The following KIFAP3 variants were observed in gnomAD, a reference collection of about 807,000 sequenced individuals.
The protein encoded by KIFAP3 is kinesin associated protein 3, also known as kinesin-associated protein 3.
KIFAP3 carries 68 observed loss-of-function variants against 106.5 expected under a neutral mutation model. The ratio of observed to expected loss-of-function variants is 0.64; its 90% CI spans 0.53 to 0.78. KIFAP3 has a LOEUF of 0.78. KIFAP3 is among the 30% of genes least tolerant of loss of function. The pLI is 0.00. For synonymous variants in KIFAP3, 320 were observed against 311.5 expected, an observed-to-expected ratio of 1.03 and a Z score of -0.29; for missense variants, 780 against 941.8, an observed-to-expected ratio of 0.83 and a Z score of 2.25.
At position 170,046,713 on chromosome 1, in the gene KIFAP3, T is replaced by G; in HGVS notation, c.318A>C (p.Lys106Asn). Reference sequence around the variant, plus strand: ...GAAGCCAGGAATTCTACTACTTACCTTTTCCTGACAATGAATCACGGCGGT... The same window carrying G: ...GAAGCCAGGAATTCTACTACTTACCGTTTCCTGACAATGAATCACGGCGGT... Reference protein sequence around the residue: ...LQNRRDSLSGKEKKEKSSKPK... With the variant: ...LQNRRDSLSGNEKKEKSSKPK... The change falls in exon 3 of 20, where the codon AAA becomes AAC. Residue 106 changes from lysine (K) to asparagine (N), a missense_variant and splice_region_variant. Physicochemically the swap from Lys to Asn is moderately conservative, Grantham distance 94. This residue lies in a region of KIFAP3 where 588 missense variants were observed against 678.9 expected (regional missense o/e 0.87). Coordinates refer to ENST00000361580, the MANE Select transcript of KIFAP3 (RefSeq NM_014970.4). The G allele has an allele frequency of 6.5e-7, 1 of 1,534,018 alleles. No homozygotes were observed.
At chr1:170,044,190 G>A (rs2102077914) in intron 3 of KIFAP3, among the ~76,000 whole-genome samples, 1 of 152,298 alleles carries the variant, frequency 6.6e-6, no homozygotes, top group East Asian at 1.9e-4. Flanking sequence ...TAAAGTAATT[G>A]TGTATTCTTT....
chr1:169,972,143 T>TA, intron 17 of KIFAP3, among the ~76,000 whole-genome samples: 1 of 151,958 alleles, frequency 6.6e-6, no homozygotes. Context: ...AAATAGCTGA[T>TA]ACAAGATTTG....
chr1:169,937,627 C>T (rs1663878304), intron 19 of KIFAP3, among the ~76,000 whole-genome samples: 1 of 151,684 alleles, frequency 6.6e-6, no homozygotes, highest in Non-Finnish European at 1.5e-5. Context: ...TCTAAAGATA[C>T]TCTAAAAATA....
chr1:170,019,001 A>G (rs957406800), intron 9 of KIFAP3, among the ~76,000 whole-genome samples: 2 of 152,196 alleles, frequency 1.3e-5, no homozygotes, highest in Non-Finnish European at 2.9e-5. Context: ...CTAGAAAAAA[A>G]TGACCAATAT....
intron 8 of KIFAP3, among the ~76,000 whole-genome samples, chr1:170,027,596 GA>G (rs1669180074): frequency 6.6e-6 from 1 of 151,838 alleles, no homozygotes; most frequent in Non-Finnish European, 1.5e-5. Context: ...AGAGATAGAA[GA>G]AAAAAAGATT....
intron 3 of KIFAP3, among the ~76,000 whole-genome samples, chr1:170,041,196 C>T (rs16862985): frequency 0.088 from 13,414 of 152,156 alleles, 1,551 homozygotes; most frequent in African/African-American, 0.26. Flanking sequence ...ATGTTAGATA[C>T]TGTATTCACA....
chr1:170,003,016 T>C lies in KIFAP3; in HGVS notation c.1184-10761A>G, dbSNP rs1667743034. On this transcript the variant is annotated intron_variant, in intron 10 of 19. Coordinates refer to ENST00000361580, the MANE Select transcript of KIFAP3 (RefSeq NM_014970.4). Reference sequence around the variant, plus strand: ...GATTAAGACTGCCATTTCATCTATTTGAACAGTGGTTCTCAAACTATCTGT... The same window carrying C: ...GATTAAGACTGCCATTTCATCTATTCGAACAGTGGTTCTCAAACTATCTGT... Among the ~76,000 whole-genome samples the C allele has an allele frequency of 3.3e-5, 5 of 152,352 alleles. No individual in the cohort carries two copies. The South Asian group carries it at 8.3e-4, about 25-fold the overall frequency.
At chr1:169,993,274 TTTTTTA>T (rs1408679750) in intron 10 of KIFAP3, among the ~76,000 whole-genome samples, 1 of 151,756 alleles carries the variant, frequency 6.6e-6, no homozygotes, top group Non-Finnish European at 1.5e-5. Flanking sequence ...ACCTGGCTAA[TTTTTTA>T]TTTTTATTTT....
At chr1:170,066,075 T>C (rs1671428565) in intron 1 of KIFAP3, among the ~76,000 whole-genome samples, 1 of 152,132 alleles carries the variant, frequency 6.6e-6, no homozygotes, top group East Asian at 1.9e-4. Flanking sequence ...TTTTTGGTGG[T>C]TGCTTTAGGA....
chr1:169,945,516 G>C (rs761792653), intron 19 of KIFAP3, among the ~76,000 whole-genome samples: 1 of 152,192 alleles, frequency 6.6e-6, no homozygotes, highest in Non-Finnish European at 1.5e-5. Flanking sequence ...CCCTGCAGCA[G>C]CTGCTCCAGA....
chr1:170,040,832 CTTT>C (rs776420489), intron 3 of KIFAP3, among the ~76,000 whole-genome samples: 2 of 142,842 alleles, frequency 1.4e-5, no homozygotes, highest in African/African-American at 2.6e-5. Context: ...TCTATTTTTG[CTTT>C]TTTTTTTTTT....
intron 3 of KIFAP3, chr1:170,041,735 G>A: frequency 6.5e-7 from 1 of 1,535,170 alleles, no homozygotes; most frequent in Non-Finnish European, 8.7e-7. Flanking sequence ...GACTTCTCCG[G>A]TAAGTGTTGC....
At chr1:169,951,042 G>C (rs567890493) in intron 19 of KIFAP3, among the ~76,000 whole-genome samples, 1 of 151,954 alleles carries the variant, frequency 6.6e-6, no homozygotes, top group East Asian at 1.9e-4. Context: ...AAGCAAAAAA[G>C]CAAATGATTC....
At chr1:169,940,404 C>T (rs767307982) in intron 19 of KIFAP3, among the ~76,000 whole-genome samples, 1 of 152,160 alleles carries the variant, frequency 6.6e-6, no homozygotes, top group Non-Finnish European at 1.5e-5. Flanking sequence ...AGATCTGAAA[C>T]CATTTAGAGC....
rs1670282126 is a variant in KIFAP3, at chr1:170,046,824, G to A, written c.207C>T (p.Ser69=). ...KSLNANTDIT[S]LARKVVEECK... is the part of the protein sequence containing the mutation. ...ATTCTTCAACCACCTTCCTTGCCAGGGAAGTTATATCTGTGTTGGCATTGA... is the reference window on the plus strand; with the variant it reads ...ATTCTTCAACCACCTTCCTTGCCAGAGAAGTTATATCTGTGTTGGCATTGA... The change falls in exon 3 of 20, where the codon TCC becomes TCT. Residue 69 remains serine (S), a synonymous_variant. Coordinates refer to ENST00000361580, the MANE Select transcript of KIFAP3 (RefSeq NM_014970.4). 2 of 1,609,896 alleles carry A rather than the reference G, an allele frequency of 1.2e-6. No homozygotes were observed. The highest frequency in any genetic ancestry group is 1.3e-5 in the African/African-American group (1 of 74,702).
intron 19 of KIFAP3, among the ~76,000 whole-genome samples, chr1:169,942,502 G>T (rs1297004510): frequency 6.6e-6 from 1 of 152,220 alleles, no homozygotes; most frequent in East Asian, 1.9e-4. Flanking sequence ...CCAATAAAAT[G>T]AATTGCAAAG....
At chr1:169,976,438 T>C (rs886588680) in intron 16 of KIFAP3, among the ~76,000 whole-genome samples, 1 of 152,122 alleles carries the variant, frequency 6.6e-6, no homozygotes, top group African/African-American at 2.4e-5. Context: ...CCTTTTTTTT[T>C]TCATTAAGCA....
intron 15 of KIFAP3, among the ~76,000 whole-genome samples, chr1:169,979,292 T>C (rs1002800011): frequency 3.9e-5 from 6 of 152,192 alleles, no homozygotes; most frequent in African/African-American, 1.4e-4. Context: ...TTAGTCTTTC[T>C]TTTAATTATT....
chr1:169,956,882 G>A (rs1262503770), intron 18 of KIFAP3, among the ~76,000 whole-genome samples: 1 of 152,114 alleles, frequency 6.6e-6, no homozygotes, highest in Non-Finnish European at 1.5e-5. Flanking sequence ...ATAGGTGTGA[G>A]CTACAGTGCC....
Sources: gnomAD v4.1 joint callset for allele counts (sites outside exome capture counted in the v4.1 genomes callset) on GRCh38, gnomAD v4.1.1 for gene constraint, gnomAD v4.1.1 regional missense constraint, MANE v1.5 for transcripts, NCBI Gene and HGNC (gene_info 2026-07-23, HGNC 2026-07-21) for gene names.